Variants in OR4N2 observed in about 807,000 individuals in gnomAD.
OR4N2 encodes olfactory receptor 4N2.
For synonymous variants in OR4N2, 141 were observed against 140.4 expected (o/e 1.00, Z -0.03); for missense variants, 307 against 377.6 (o/e 0.81, Z 1.55).
chr14:19,818,947 G>T (rs1879494968), intron 1 of OR4N2, among the ~76,000 whole-genome samples: 1 of 152,216 alleles, frequency 6.6e-6, no homozygotes, highest in African/African-American at 2.4e-5. Flanking sequence ...ATGAAGCTTA[G>T]TTTGGCTGGA....
At chr14:19,825,508 A>G (rs1193728685) in intron 1 of OR4N2, among the ~76,000 whole-genome samples, 3 of 151,238 alleles carry the variant, frequency 2.0e-5, no homozygotes, top group Non-Finnish European at 3.0e-5. Context: ...TTCCTTCCGC[A>G]CCCCATGTGC....
chr14:19,828,067 A>G lies in OR4N2; in HGVS notation c.619A>G (p.Thr207Ala), dbSNP rs748232444. The G allele has an allele frequency of 1.2e-6, 2 of 1,614,108 alleles. No homozygotes were observed. The highest frequency in any genetic ancestry group is 1.7e-6 in the Non-Finnish European group (2 of 1,180,056). The change falls in exon 2 of 2, where the codon ACA (threonine) becomes GCA (alanine). Residue 207 changes from threonine (T) to alanine (A), a missense_variant. By Grantham distance (58) the Thr-to-Ala change is moderately conservative (BLOSUM62 0). Coordinates refer to ENST00000557677, the MANE Select transcript of OR4N2 (RefSeq NM_001004723.3). ...LLMVFNSGLM[T>A]LLCFLGLLAS... ...GATGGTCTTCAACAGTGGCCTGATG[A>G]CACTCCTGTGCTTTCTGGGGCTTCT...
At chr14:19,818,070 G>A (rs1363459878) in intron 1 of OR4N2, among the ~76,000 whole-genome samples, 2 of 152,334 alleles carry the variant, frequency 1.3e-5, no homozygotes, top group South Asian at 2.1e-4. Flanking sequence ...TATGATTTCT[G>A]TTCTTTTGCA....
intron 1 of OR4N2, among the ~76,000 whole-genome samples, chr14:19,805,480 T>C: frequency 6.6e-6 from 1 of 152,164 alleles, no homozygotes; most frequent in Non-Finnish European, 1.5e-5. Context: ...TAGACCAAGC[T>C]AAGGAAAATA....
At chr14:19,819,537 A>G (rs1359261381) in intron 1 of OR4N2, among the ~76,000 whole-genome samples, 1 of 152,214 alleles carries the variant, frequency 6.6e-6, no homozygotes, top group Non-Finnish European at 1.5e-5. Flanking sequence ...CAGCTCCATC[A>G]GGTTATTTAT....
At position 19,808,972 on chromosome 14, in the gene OR4N2, T is replaced by TA. The variant is rs564116378; in HGVS notation, c.-10+5129dup. ...AAACCCAGAAATAAATCCATGCACT[T>TA]ACAACCATCTGCTCTTCAACAAGGC... is the stretch of plus-strand genomic sequence containing the variant. On this transcript the variant is annotated intron_variant, in intron 1 of 1. Coordinates refer to ENST00000557677, the MANE Select transcript of OR4N2 (RefSeq NM_001004723.3). 2.6e-4 allele frequency among the ~76,000 whole-genome samples: 39 copies of TA among 152,316 alleles called. 1 individual carries two copies. In the South Asian group the frequency reaches 8.1e-3, roughly 32 times the overall value.
intron 1 of OR4N2, among the ~76,000 whole-genome samples, chr14:19,823,869 T>C (rs747358736): frequency 1.3e-5 from 2 of 150,998 alleles, no homozygotes; most frequent in Non-Finnish European, 3.0e-5. Flanking sequence ...AGGAAGGAGG[T>C]TGAGTAAGCA....
rs147523482 is a variant in OR4N2 at position 19,821,185 on chromosome 14, G to C, written c.-9-6255G>C. ...ACGGCTTCCCTTGGCTGGGGAGGGA[G>C]TTCCCTGAACCCTTCCACTTCCCCG... On this transcript the variant is annotated intron_variant, in intron 1 of 1. Transcript: ENST00000557677. Among the ~76,000 whole-genome samples the C allele has an allele frequency of 2.3e-3, 350 of 152,322 alleles. 1 individual carries two copies. Among genetic ancestry groups the C allele is most frequent in the African/African-American group, 7.8e-3 (326 of 41,560 alleles).
intron 1 of OR4N2, among the ~76,000 whole-genome samples, chr14:19,817,781 G>A (rs2138472424): frequency 6.6e-6 from 1 of 152,298 alleles, no homozygotes; most frequent in Non-Finnish European, 1.5e-5. Context: ...TGTAATGTTA[G>A]GGTGTCAATT....
At chr14:19,820,418 A>T (rs1378983248) in intron 1 of OR4N2, among the ~76,000 whole-genome samples, 4 of 152,242 alleles carry the variant, frequency 2.6e-5, no homozygotes, top group Non-Finnish European at 1.5e-5. Context: ...AGCTGTTGGC[A>T]TTTAGTGCTA....
chr14:19,822,694 A>C (rs967915437), intron 1 of OR4N2, among the ~76,000 whole-genome samples: 1 of 152,264 alleles, frequency 6.6e-6, no homozygotes, highest in Non-Finnish European at 1.5e-5. Context: ...TGTCCATTCA[A>C]TATAACTACT....
intron 1 of OR4N2, among the ~76,000 whole-genome samples, chr14:19,817,559 T>C (rs1228923029): frequency 6.6e-6 from 1 of 152,226 alleles, no homozygotes; most frequent in African/African-American, 2.4e-5. Flanking sequence ...TTTTCTATTG[T>C]GTCTATTTGA....
intron 1 of OR4N2, among the ~76,000 whole-genome samples, chr14:19,805,020 C>T (rs138623041): frequency 1.3e-5 from 2 of 152,146 alleles, no homozygotes; most frequent in African/African-American, 4.8e-5. Flanking sequence ...AGACCATTTG[C>T]TTTTTTCTGT....
intron 1 of OR4N2, among the ~76,000 whole-genome samples, chr14:19,820,761 A>G (rs1369598768): frequency 6.6e-6 from 1 of 152,240 alleles, no homozygotes; most frequent in Non-Finnish European, 1.5e-5. Flanking sequence ...AGCCTCAGTA[A>G]TGGCAGATGC....
chr14:19,812,296 ACTTTTCTTTTTTTTTTT>A (rs1217348394), intron 1 of OR4N2, among the ~76,000 whole-genome samples: 1 of 143,532 alleles, frequency 7.0e-6, no homozygotes, highest in African/African-American at 2.5e-5. Flanking sequence ...TTATTTTTTG[ACTTTTCTTTTTTTTTTT>A]CTTTTCTTTT....
At chr14:19,806,170 G>C (rs1879159763) in intron 1 of OR4N2, among the ~76,000 whole-genome samples, 2 of 152,128 alleles carry the variant, frequency 1.3e-5, no homozygotes, top group African/African-American at 4.8e-5. Context: ...ACACAGTCAA[G>C]TCTATAAAAT....
chr14:19,814,271 CAAATT>C (rs2138468413), intron 1 of OR4N2, among the ~76,000 whole-genome samples: 1 of 152,284 alleles, frequency 6.6e-6, no homozygotes, highest in African/African-American at 2.4e-5. Context: ...TGAAAGTGAA[CAAATT>C]ACAAATACCA....
At position 19,805,695 on chromosome 14, in the gene OR4N2, A is replaced by C. The variant is rs1180774799; in HGVS notation, c.-10+1851A>C. Among the ~76,000 whole-genome samples the C allele has an allele frequency of 2.6e-5, 4 of 152,314 alleles. No individual in the cohort carries two copies. The South Asian group carries it at 8.3e-4, about 32-fold the overall frequency. On this transcript the variant is annotated intron_variant, in intron 1 of 1. Coordinates refer to ENST00000557677, the MANE Select transcript of OR4N2 (RefSeq NM_001004723.3). ...TATATAGTCCATGAAAATCTTCCTA[A>C]TCTTGCTAGAGAGGATGATATGCAA...
Position 19,829,114 on chromosome 14 carries a change from G to C in OR4N2, c.*742G>C, listed in dbSNP as rs1026277152. On this transcript the variant is annotated 3_prime_UTR_variant, in exon 2 of 2. Transcript: ENST00000557677. Reference sequence around the variant, plus strand: ...TCATTAAGAGGAAAATATTATATTTGTAAGTGCACTTTGAAAGATATTAAA... The same window carrying C: ...TCATTAAGAGGAAAATATTATATTTCTAAGTGCACTTTGAAAGATATTAAA... The C allele has an allele frequency of 2.6e-5, 4 of 152,256 alleles. No individual in the cohort carries two copies. The highest frequency in any genetic ancestry group is 9.6e-5 in the African/African-American group (4 of 41,462). 9.4% of individuals were successfully genotyped at this position (152,256 alleles called of 1,614,324 possible).
Sources: gnomAD v4.1 joint callset for allele counts (sites outside exome capture counted in the v4.1 genomes callset) on GRCh38, gnomAD v4.1.1 for gene constraint, MANE v1.5 for transcripts, NCBI Gene and HGNC (gene_info 2026-07-23, HGNC 2026-07-21) for gene names.